Variants in ANKMY2 observed in about 807,000 individuals in gnomAD.
ANKMY2 encodes ankyrin repeat and MYND domain-containing protein 2.
ANKMY2 carries 36 observed loss-of-function variants against 50.4 expected under a neutral mutation model. The ratio of observed to expected loss-of-function variants is 0.71; its 90% CI spans 0.55 to 0.94. The LOEUF is 0.94. ANKMY2 is among the 40% of genes least tolerant of loss of function. The probability of loss-of-function intolerance (pLI) is 0.00; values close to 1 mark genes in which losing one functional copy is unlikely to be tolerated. For missense variants in ANKMY2, 565 were observed against 524.0 expected (o/e 1.08, Z -0.76); for synonymous variants, 187 against 178.8 (o/e 1.05, Z -0.36).
intron 6 of ANKMY2, 146 bp from the exon 7 acceptor site, chr7:16,609,911 C>A: frequency 1.0e-6 from 1 of 1,001,270 alleles, no homozygotes; most frequent in South Asian, 1.6e-5. Context: ...GTTCAAATTG[C>A]TGTTCAACCT....
chr7:16,614,220 G>A (rs919599153), intron 5 of ANKMY2, among the ~76,000 whole-genome samples: 5 of 152,146 alleles, frequency 3.3e-5, no homozygotes, highest in Non-Finnish European at 7.3e-5. Flanking sequence ...CTTTTCCCTA[G>A]GTATGCTGGG....
At chr7:16,636,198 G>A (rs1014285340) in intron 2 of ANKMY2, among the ~76,000 whole-genome samples, 193 bp downstream of exon 2, 1 of 151,074 alleles carries the variant, frequency 6.6e-6, no homozygotes, top group Admixed American at 6.6e-5. Flanking sequence ...AGCTACTTGG[G>A]CGGCTGAGGC....
At chr7:16,636,360 A>C in intron 2 of ANKMY2, 31 bp downstream of exon 2, 1 of 1,430,140 alleles carries the variant, frequency 7.0e-7, no homozygotes, top group Non-Finnish European at 9.6e-7. Context: ...TATAGGAAGT[A>C]AAATCCTTTA....
intron 1 of ANKMY2, among the ~76,000 whole-genome samples, chr7:16,640,107 A>T (rs887005319): frequency 5.3e-5 from 8 of 152,176 alleles, no homozygotes; most frequent in Admixed American, 2.6e-4. Context: ...AGGAGGTTGC[A>T]GTGAGTCAAG....
chr7:16,612,680 A>G (rs1264645891), intron 5 of ANKMY2, among the ~76,000 whole-genome samples: 1 of 152,208 alleles, frequency 6.6e-6, no homozygotes, highest in African/African-American at 2.4e-5. Context: ...GACCTTATCT[A>G]TGTTTTAATA....
chr7:16,645,738 G>T lies in ANKMY2; in HGVS notation c.-165C>A, dbSNP rs996909950. On this transcript the variant is annotated 5_prime_UTR_variant, in exon 1 of 10. Coordinates refer to ENST00000306999, the MANE Select transcript of ANKMY2 (RefSeq NM_020319.3). ...TCTCTCCTCCCTCCCGCGGGCTGGC[G>T]GACAGCGGGCGAGCTCGGGCGAGCC... The T allele has an allele frequency of 9.1e-6, 7 of 767,962 alleles. No individual in the cohort carries two copies. The highest frequency in any genetic ancestry group is 3.7e-5 in the African/African-American group (2 of 53,922). 47.6% of individuals were successfully genotyped at this position (767,962 alleles called of 1,614,324 possible).
At chr7:16,624,901 C>A in intron 4 of ANKMY2, 82 bp downstream of exon 4, 1 of 1,181,174 alleles carries the variant, frequency 8.5e-7, no homozygotes, top group Non-Finnish European at 1.2e-6. Flanking sequence ...ATAATATTTT[C>A]ACCATGAGAA....
At position 16,624,331 on chromosome 7, in the gene ANKMY2, T is replaced by A. The variant is rs550699404; in HGVS notation, c.370+652A>T. Among the ~76,000 whole-genome samples the A allele has an allele frequency of 3.9e-5, 6 of 152,120 alleles. No homozygotes were observed. The South Asian group carries it at 6.2e-4, about 16-fold the overall frequency. On this transcript the variant is annotated intron_variant, in intron 4 of 9. Coordinates refer to ENST00000306999, the MANE Select transcript of ANKMY2 (RefSeq NM_020319.3). ...TGTCAAAATACCAAAGAACAAGAAT[T>A]CACTCCCACTCTTTCCTTACATTAT... is the stretch of plus-strand genomic sequence containing the variant.
intron 2 of ANKMY2, among the ~76,000 whole-genome samples, chr7:16,634,152 G>A (rs952247804): frequency 6.6e-6 from 1 of 151,982 alleles, no homozygotes. Context: ...AGCCACATAT[G>A]GCTATTTAAA....
At chr7:16,640,155 A>G (rs1164085037) in intron 1 of ANKMY2, among the ~76,000 whole-genome samples, 2 of 152,134 alleles carry the variant, frequency 1.3e-5, no homozygotes, top group African/African-American at 4.8e-5. Context: ...GACAAGAGCG[A>G]GACTCTGTCT....
At chr7:16,620,591 TACACACACACACACAC>T (rs58418780) in intron 4 of ANKMY2, among the ~76,000 whole-genome samples, 12 of 145,508 alleles carry the variant, frequency 8.2e-5, no homozygotes, top group African/African-American at 2.6e-4. Context: ...AATACATGTG[TACACACACACACACAC>T]ACACACACAC....
At chr7:16,645,359 C>G (rs1355636784) in intron 1 of ANKMY2, 148 bp downstream of exon 1, 3 of 775,684 alleles carry the variant, frequency 3.9e-6, no homozygotes, top group Non-Finnish European at 3.9e-6. Flanking sequence ...CTTTCCCAGA[C>G]CAAAGGGAGA....
rs892340199 is a variant in ANKMY2 at position 16,616,780 on chromosome 7, C to T, written c.371-876G>A. Among the ~76,000 whole-genome samples, 8 of 152,342 alleles carry T rather than the reference C, an allele frequency of 5.3e-5. No homozygotes were observed. The South Asian group carries it at 6.2e-4, about 12-fold the overall frequency. On this transcript the variant is annotated intron_variant, in intron 4 of 9. Coordinates refer to ENST00000306999, the MANE Select transcript of ANKMY2 (RefSeq NM_020319.3). ...GGGGAGAGCGTGCAGACGCCATGGCCCCCGCTCCCGGAGAGTGGTTCCCCC... is the reference window on the plus strand; with the variant it reads ...GGGGAGAGCGTGCAGACGCCATGGCTCCCGCTCCCGGAGAGTGGTTCCCCC...
intron 4 of ANKMY2, among the ~76,000 whole-genome samples, chr7:16,623,368 AT>A (rs1323286406): frequency 6.6e-6 from 1 of 152,196 alleles, no homozygotes; most frequent in Non-Finnish European, 1.5e-5. Context: ...TGTAGTAAAA[AT>A]TTTGTTAGTA....
chr7:16,605,234 T>A (rs995939052), intron 7 of ANKMY2, among the ~76,000 whole-genome samples: 1 of 152,200 alleles, frequency 6.6e-6, no homozygotes, highest in Non-Finnish European at 1.5e-5. Flanking sequence ...GAGACAATTA[T>A]AGGGCACATC....
chr7:16,622,394 G>A (rs773182570), intron 4 of ANKMY2, among the ~76,000 whole-genome samples: 49 of 152,280 alleles, frequency 3.2e-4, no homozygotes, highest in African/African-American at 1.1e-3. Context: ...CAGCTCTGAT[G>A]AGGATATTAC....
intron 1 of ANKMY2, among the ~76,000 whole-genome samples, chr7:16,638,823 T>A (rs1385806206): frequency 2.0e-5 from 3 of 150,496 alleles, no homozygotes; most frequent in Non-Finnish European, 2.9e-5. Context: ...GGTACCAGGG[T>A]CAAAGACCAA....
Position 16,645,728 on chromosome 7 carries a change from G to T in ANKMY2, c.-155C>A. 2.4e-6 allele frequency: 2 copies of T among 817,726 alleles called. No individual in the cohort carries two copies. Among genetic ancestry groups the T allele is most frequent in the South Asian group, 2.2e-5 (1 of 45,972 alleles). The allele number at this position is 817,726 out of a possible 1,614,324, so 50.7% of individuals were successfully genotyped here. A position where few individuals can be genotyped will look rare whatever the true frequency, so the allele number is the denominator to read the frequency against. On this transcript the variant is annotated 5_prime_UTR_variant, in exon 1 of 10. Coordinates refer to ENST00000306999, the MANE Select transcript of ANKMY2 (RefSeq NM_020319.3). The stretch of plus-strand genomic sequence containing the variant: ...ACGCTTCGCTTCTCTCCTCCCTCCC[G>T]CGGGCTGGCGGACAGCGGGCGAGCT...
chr7:16,625,953 C>G (rs1781500305), intron 3 of ANKMY2, among the ~76,000 whole-genome samples: 1 of 140,336 alleles, frequency 7.1e-6, no homozygotes, highest in African/African-American at 2.6e-5. Context: ...TAGTATTTTT[C>G]TTTTTATACT....
Sources: allele counts gnomAD v4.1 joint callset (sites outside exome capture counted in the v4.1 genomes callset), GRCh38; gene constraint gnomAD v4.1.1; transcripts MANE v1.5; gene names NCBI Gene and HGNC (gene_info 2026-07-23, HGNC 2026-07-21).